Variants in RAPGEF1 observed in about 807,000 individuals in gnomAD.
RAPGEF1 encodes CRK SH3-binding GNRP.
In RAPGEF1, 33 loss-of-function variants were observed where a neutral mutation model predicts 143.3. That is an observed-to-expected ratio of 0.23 (90% CI 0.17 to 0.31). The LOEUF (loss-of-function observed/expected upper bound fraction) is 0.31, where lower values mean the gene tolerates loss of function less well. Among genes scored for constraint, RAPGEF1 ranks in the 10% least tolerant of loss-of-function variants. The pLI is 1.00. For synonymous variants in RAPGEF1, 629 were observed against 676.5 expected, an observed-to-expected ratio of 0.93 and a Z score of 1.09; for missense variants, 1,199 against 1,645.4, an observed-to-expected ratio of 0.73 and a Z score of 4.69.
At chr9:131,611,301 T>C (rs1957986893) in intron 12 of RAPGEF1, among the ~76,000 whole-genome samples, 1 of 152,046 alleles carries the variant, frequency 6.6e-6, no homozygotes. Flanking sequence ...AAAAATATCT[T>C]CTCCCTTTTC....
At chr9:131,581,912 C>T (rs1432516088) in intron 25 of RAPGEF1, among the ~76,000 whole-genome samples, 1 of 152,154 alleles carries the variant, frequency 6.6e-6, no homozygotes, top group Non-Finnish European at 1.5e-5. Flanking sequence ...GTTGAGGCCT[C>T]GAGGGCAGCC....
In RAPGEF1 at chr9:131,628,685, G is replaced by A. The variant is rs200266906; in HGVS notation, c.894-13C>T. On this transcript the variant is annotated splice_polypyrimidine_tract_variant and intron_variant, in intron 7 of 26. Coordinates refer to ENST00000683357, the MANE Select transcript of RAPGEF1 (RefSeq NM_001377935.1). This position sits in a 1 kb window ranked among gnomAD's most constrained non-coding sequence, Gnocchi z 5.7. The stretch of plus-strand genomic sequence containing the variant: ...TGCTGGTGGAGGACTGAAACAGACC[G>A]AAACGTCCAGGCAGACCAAACCACA... 5.4e-5 allele frequency: 86 copies of A among 1,590,420 alleles called. No individual in the cohort carries two copies. The Admixed American group carries it at 7.0e-4, about 13-fold the overall frequency.
chr9:131,583,582 A>T lies in RAPGEF1; in HGVS notation c.3414+729T>A, dbSNP rs1463685564. Reference sequence around the variant, plus strand: ...GCCTGGCTGAACTTGGGTCCCTGACATGACCCCTGGGTGGCCTGGCTGACA... The same window carrying T: ...GCCTGGCTGAACTTGGGTCCCTGACTTGACCCCTGGGTGGCCTGGCTGACA... On this transcript the variant is annotated intron_variant, in intron 24 of 26. Coordinates refer to ENST00000683357, the MANE Select transcript of RAPGEF1 (RefSeq NM_001377935.1). The surrounding 1 kb of genome is among the most constrained non-coding windows in gnomAD (Gnocchi z 4.7). 6.6e-6 allele frequency among the ~76,000 whole-genome samples: 1 copy of T among 151,170 alleles called. No individual in the cohort carries two copies. The highest frequency in any genetic ancestry group is 1.5e-5 in the Non-Finnish European group (1 of 67,732).
At chr9:131,582,335 G>A (rs1321215084) in intron 25 of RAPGEF1, among the ~76,000 whole-genome samples, 2 of 152,094 alleles carry the variant, frequency 1.3e-5, no homozygotes, top group African/African-American at 4.8e-5. Context: ...GTGGGGCTGG[G>A]GGCTGGGAAA....
intron 12 of RAPGEF1, among the ~76,000 whole-genome samples, chr9:131,615,281 A>G: frequency 6.6e-6 from 1 of 152,188 alleles, no homozygotes; most frequent in East Asian, 1.9e-4. Context: ...TCACCGTCTT[A>G]GCCGGGATGG....
intron 1 of RAPGEF1, among the ~76,000 whole-genome samples, chr9:131,668,662 C>G (rs1204580243): frequency 6.6e-6 from 1 of 152,132 alleles, no homozygotes; most frequent in Non-Finnish European, 1.5e-5. Flanking sequence ...CCCAGGGAAG[C>G]GTTTCTTTTC....
chr9:131,579,354 G>A lies in RAPGEF1; in HGVS notation c.*143C>T, dbSNP rs561170505. On this transcript the variant is annotated 3_prime_UTR_variant, in exon 27 of 27. Coordinates refer to ENST00000683357, the MANE Select transcript of RAPGEF1 (RefSeq NM_001377935.1). ...AAGCGGCTGGCAGGCTCCAGCTCCC[G>A]CCCGGCCCCGCTGAGGGCTGGCCAG... 1.9e-4 allele frequency: 229 copies of A among 1,211,204 alleles called. No homozygotes were observed. The African/African-American group carries it at 3.0e-3, about 16-fold the overall frequency. The allele number at this position is 1,211,204 out of a possible 1,614,324, so 75.0% of individuals were successfully genotyped here. A position where few individuals can be genotyped will look rare whatever the true frequency, so the allele number is the denominator to read the frequency against.
At position 131,604,935 on chromosome 9, in the gene RAPGEF1, T is replaced by C; in HGVS notation, c.2315A>G (p.Asp772Gly). ...VCLPSETSFT[D>G]SSENASEEAG... ...GTGTGCACGCTGAGTTCTCACCGAG[T>C]CAGTGAAAGAGGTTTCGGAAGGAAG... The change falls in exon 13 of 27, where the codon GAC (aspartate) becomes GGC (glycine). Residue 772 changes from aspartate to glycine, a missense_variant. Physicochemically the swap from Asp to Gly is moderately conservative, Grantham distance 94. Around this residue, in one of 6 missense-constraint regions of RAPGEF1, gnomAD observed 293 missense variants for 356.2 expected, o/e 0.82. Transcript: ENST00000683357. 2.3e-6 allele frequency: 3 copies of C among 1,301,032 alleles called. No individual in the cohort carries two copies. The highest frequency in any genetic ancestry group is 2.5e-5 in the South Asian group (2 of 80,904). 80.6% of individuals were successfully genotyped at this position (1,301,032 alleles called of 1,614,324 possible).
At chr9:131,637,021 T>A (rs1966541787) in intron 5 of RAPGEF1, among the ~76,000 whole-genome samples, 1 of 151,366 alleles carries the variant, frequency 6.6e-6, no homozygotes, top group East Asian at 1.9e-4. Flanking sequence ...AGGTCAGGAG[T>A]TCGAGACCAG....
intron 1 of RAPGEF1, among the ~76,000 whole-genome samples, chr9:131,681,536 T>G (rs1234612235): frequency 6.6e-6 from 1 of 152,230 alleles, no homozygotes; most frequent in Non-Finnish European, 1.5e-5. Flanking sequence ...TGTTGCTGTT[T>G]CCAGTCGGAT....
chr9:131,620,771 C>G (rs1468249287), intron 11 of RAPGEF1, among the ~76,000 whole-genome samples: 1 of 152,186 alleles, frequency 6.6e-6, no homozygotes, highest in Non-Finnish European at 1.5e-5. Flanking sequence ...CTGGGCTGAG[C>G]CCCAGGTGAT....
chr9:131,660,991 C>A (rs1251536296), intron 1 of RAPGEF1, among the ~76,000 whole-genome samples: 3 of 152,248 alleles, frequency 2.0e-5, no homozygotes, highest in Middle Eastern at 3.2e-3. Flanking sequence ...ATTAAAACCA[C>A]TGAGCTACCA....
At position 131,625,976 on chromosome 9, in the gene RAPGEF1, A is replaced by C. The variant is rs760846647; in HGVS notation, c.1648T>G (p.Ser550Ala). The C allele has an allele frequency of 6.2e-7, 1 of 1,603,376 alleles. No individual in the cohort carries two copies. Among genetic ancestry groups the C allele is most frequent in the Non-Finnish European group, 8.5e-7 (1 of 1,171,030 alleles). Residue 550 changes from serine to alanine, a missense_variant, in exon 10 of 27, where the codon TCA becomes GCA. Ser to Ala is a moderately conservative substitution (Grantham distance 99). Transcript: ENST00000683357. ...EFVGDFTAPE[S>A]TGDPEKPPPL... is the part of the protein sequence containing the mutation. The stretch of plus-strand genomic sequence containing the variant: ...GGTGGTTTTTCTGGGTCACCGGTTG[A>C]CTCAGGAGCAGTAAAATCACCCACA...
intron 1 of RAPGEF1, among the ~76,000 whole-genome samples, chr9:131,656,096 G>A (rs1029910395): frequency 4.6e-5 from 7 of 152,050 alleles, no homozygotes; most frequent in African/African-American, 1.7e-4. Flanking sequence ...CCTGGCACAC[G>A]GCACCCGCTC....
chr9:131,729,801 G>A (rs1438080062), intron 1 of RAPGEF1, among the ~76,000 whole-genome samples: 1 of 152,134 alleles, frequency 6.6e-6, no homozygotes, highest in African/African-American at 2.4e-5. Context: ...ACGTCTGAAG[G>A]TAAAGCTCCT....
At chr9:131,734,355 G>A (rs1344878627) in intron 1 of RAPGEF1, among the ~76,000 whole-genome samples, 1 of 152,180 alleles carries the variant, frequency 6.6e-6, no homozygotes, top group Non-Finnish European at 1.5e-5. Flanking sequence ...AGGATGAAAT[G>A]AAATGAGGTA....
Position 131,675,920 on chromosome 9 carries a change from T to C in RAPGEF1, c.62-24971A>G, listed in dbSNP as rs1487583392. 6.6e-6 allele frequency among the ~76,000 whole-genome samples: 1 copy of C among 152,146 alleles called. No individual in the cohort carries two copies. The highest frequency in any genetic ancestry group is 1.5e-5 in the Non-Finnish European group (1 of 68,024). ...TTTGACAAAAACTCAGTCTTTTTTT[T>C]TTTTTTAATCTCGCCCTGTGGCCCA... On this transcript the variant is annotated intron_variant, in intron 1 of 26. Coordinates refer to ENST00000683357, the MANE Select transcript of RAPGEF1 (RefSeq NM_001377935.1). The surrounding 1 kb of genome is among the most constrained non-coding windows in gnomAD (Gnocchi z 4.6).
At chr9:131,722,009 G>A (rs1041349863) in intron 1 of RAPGEF1, among the ~76,000 whole-genome samples, 3 of 152,102 alleles carry the variant, frequency 2.0e-5, no homozygotes, top group Non-Finnish European at 4.4e-5. Context: ...ATCAAGGTGC[G>A]TTTTATAATC....
At chr9:131,673,754 A>G (rs993530461) in intron 1 of RAPGEF1, among the ~76,000 whole-genome samples, 1 of 152,220 alleles carries the variant, frequency 6.6e-6, no homozygotes, top group Non-Finnish European at 1.5e-5. Context: ...AATGGTGCTG[A>G]GTCAGAAATT....
Sources: gnomAD v4.1 joint callset for allele counts (sites outside exome capture counted in the v4.1 genomes callset) on GRCh38, gnomAD v4.1.1 for gene constraint, gnomAD v4.1.1 regional missense constraint, Gnocchi (gnomAD v3.1) non-coding constraint, MANE v1.5 for transcripts, NCBI Gene and HGNC (gene_info 2026-07-23, HGNC 2026-07-21) for gene names.